Variants in ITPR2 observed in about 807,000 individuals in gnomAD.
The protein encoded by ITPR2 is inositol 1,4,5-trisphosphate receptor type 2, also known as inositol 1,4,5-trisphosphate-gated calcium channel ITPR2.
ITPR2 carries 207 observed loss-of-function variants against 317.1 expected under a neutral mutation model. The ratio of observed to expected loss-of-function variants is 0.65; its 90% CI spans 0.58 to 0.73. The LOEUF is 0.73. Among genes scored for constraint, ITPR2 ranks in the 30% least tolerant of loss-of-function variants. ITPR2 has a pLI of 0.00. For synonymous variants in ITPR2, 1,156 were observed against 1,149.1 expected, an observed-to-expected ratio of 1.01 and a Z score of -0.12; for missense variants, 2,613 against 3,284.0, an observed-to-expected ratio of 0.80 and a Z score of 4.99.
chr12:26,712,634 TACACACACACACACACAC>T (rs67872654), intron 8 of ITPR2, among the ~76,000 whole-genome samples: 37 of 148,754 alleles, frequency 2.5e-4, no homozygotes, highest in Non-Finnish European at 3.9e-4. Flanking sequence ...TTGTCTCAAA[TACACACACACACACACAC>T]ACACACACAC....
At chr12:26,589,813 TAAA>T (rs1945643502) in intron 32 of ITPR2, among the ~76,000 whole-genome samples, 1 of 36,394 alleles carries the variant, frequency 2.7e-5, no homozygotes, top group Non-Finnish European at 7.2e-5. Flanking sequence ...AAATAAAAAA[TAAA>T]TAAATAAATA....
At chr12:26,604,242 T>C (rs980193337) in intron 26 of ITPR2, among the ~76,000 whole-genome samples, 1 of 152,250 alleles carries the variant, frequency 6.6e-6, no homozygotes, top group African/African-American at 2.4e-5. Flanking sequence ...CTCAGCTTTA[T>C]ATTTTTCTTT....
chr12:26,505,180 T>C (rs906224775), intron 37 of ITPR2, among the ~76,000 whole-genome samples: 1 of 152,200 alleles, frequency 6.6e-6, no homozygotes, highest in African/African-American at 2.4e-5. Flanking sequence ...GAAAAGAAAA[T>C]GCTCAAGAAC....
chr12:26,678,316 A>G (rs775774484), intron 13 of ITPR2, among the ~76,000 whole-genome samples: 2 of 152,150 alleles, frequency 1.3e-5, no homozygotes, highest in Non-Finnish European at 2.9e-5. Context: ...AGAAAATTCC[A>G]TTGAAAAATA....
At chr12:26,631,485 T>C (rs1463930439) in intron 22 of ITPR2, among the ~76,000 whole-genome samples, 1 of 152,234 alleles carries the variant, frequency 6.6e-6, no homozygotes, top group African/African-American at 2.4e-5. Context: ...CATGTTCAAT[T>C]CAATTAAAAA....
intron 37 of ITPR2, among the ~76,000 whole-genome samples, chr12:26,535,515 A>G (rs898634478): frequency 6.6e-6 from 1 of 152,228 alleles, no homozygotes; most frequent in African/African-American, 2.4e-5. Context: ...TCACTGTCCA[A>G]TTCAAAATAA....
intron 1 of ITPR2, among the ~76,000 whole-genome samples, chr12:26,813,025 T>A (rs912317125): frequency 6.6e-6 from 1 of 152,250 alleles, no homozygotes; most frequent in Admixed American, 6.5e-5. Flanking sequence ...TTGAAGATAC[T>A]GACTTTTAAG....
At chr12:26,685,569 C>G (rs1301495166) in intron 11 of ITPR2, among the ~76,000 whole-genome samples, 3 of 152,036 alleles carry the variant, frequency 2.0e-5, no homozygotes, top group Admixed American at 2.0e-4. Context: ...TGCACTACAC[C>G]CTGGACAACA....
At chr12:26,647,414 T>C (rs1947137171) in intron 21 of ITPR2, among the ~76,000 whole-genome samples, 3 of 152,218 alleles carry the variant, frequency 2.0e-5, no homozygotes. Flanking sequence ...ACCCATGCTG[T>C]TGTAAAAGAA....
Position 26,790,379 on chromosome 12 carries a change from T to C in ITPR2, c.93-152A>G, listed in dbSNP as rs7965926. ...ACAATCATGGGTCTGTAAAAAGATT[T>C]GGTTGTAGAGATGTTAATTAAAGCC... On this transcript the variant is annotated intron_variant, in intron 1 of 56. Coordinates refer to ENST00000381340, the MANE Select transcript of ITPR2 (RefSeq NM_002223.4). 5,409 of 627,598 alleles carry C rather than the reference T, an allele frequency of 8.6e-3. 235 individuals carry two copies. In the African/African-American group the frequency reaches 0.092, roughly 11 times the overall value. The allele number at this position is 627,598 out of a possible 1,614,324, so 38.9% of individuals were successfully genotyped here.
rs1467069991 is a variant in ITPR2, at chr12:26,556,319, T to A, written c.4878A>T (p.Ser1626=). The change falls in exon 36 of 57, where the codon TCA becomes TCT. Residue 1626 remains serine, a synonymous_variant. Transcript: ENST00000381340. ...GACTGTACAATACATCAACCAACAC[T>A]GAGAATTCAGCCTGCATCATTGGGC... ...QFSPMMQAEF[S]VLVDVLYSPE... is the part of the protein sequence containing the mutation. 1 of 1,614,006 alleles carries A rather than the reference T, an allele frequency of 6.2e-7. No homozygotes were observed. Among genetic ancestry groups the A allele is most frequent in the Admixed American group, 1.7e-5 (1 of 60,004 alleles).
intron 34 of ITPR2, among the ~76,000 whole-genome samples, chr12:26,564,919 A>G (rs1189237867): frequency 1.3e-5 from 2 of 152,204 alleles, no homozygotes; most frequent in East Asian, 1.9e-4. Flanking sequence ...ACAAATGTCA[A>G]TAGTATGGAG....
intron 2 of ITPR2, among the ~76,000 whole-genome samples, chr12:26,784,987 G>C (rs553844052): frequency 3.6e-4 from 2 of 5,536 alleles, no homozygotes; most frequent in African/African-American, 8.1e-4. Flanking sequence ...CGCCTCTGCT[G>C]GGCCGCAACC....
chr12:26,510,647 G>A (rs1316407194), intron 37 of ITPR2, among the ~76,000 whole-genome samples: 1 of 152,188 alleles, frequency 6.6e-6, no homozygotes, highest in Non-Finnish European at 1.5e-5. Context: ...CATTACAGGA[G>A]GACCCGCAGG....
chr12:26,495,019 T>C, intron 38 of ITPR2, 133 bp downstream of exon 38: 2 of 655,776 alleles, frequency 3.0e-6, no homozygotes, highest in South Asian at 3.7e-5. Flanking sequence ...CCCCAAATTG[T>C]ATGAAAGTTT....
At chr12:26,788,951 T>C (rs1309383697) in intron 2 of ITPR2, among the ~76,000 whole-genome samples, 1 of 152,214 alleles carries the variant, frequency 6.6e-6, no homozygotes, top group Non-Finnish European at 1.5e-5. Flanking sequence ...CTGCATTGTC[T>C]CTGGCAGGTT....
rs1354118761 is a variant in ITPR2 at position 26,681,932 on chromosome 12, C to T, written c.1351G>A (p.Val451Ile). The T allele has an allele frequency of 6.2e-7, 1 of 1,613,626 alleles. No homozygotes were observed. Among genetic ancestry groups the T allele is most frequent in the Non-Finnish European group, 8.5e-7 (1 of 1,179,626 alleles). The change falls in exon 13 of 57, where the codon GTA (valine) becomes ATA (isoleucine). Residue 451 changes from valine to isoleucine, a missense_variant. Transcript: ENST00000381340. ...AGCTTTTTAACTGTGGTCGCTAGTA[C>T]TTTATTGGCATCATTGGCAAAGTCT... ...DLDFANDANKVLATTVKKLEN... is the reference protein window; with the variant it reads ...DLDFANDANKILATTVKKLEN...
intron 5 of ITPR2, chr12:26,721,298 T>G (rs1052100550): frequency 1.6e-6 from 1 of 616,994 alleles, no homozygotes; most frequent in Non-Finnish European, 3.0e-6. Flanking sequence ...AAGGAAGATA[T>G]CACCAGATAA....
At chr12:26,637,799 T>A (rs1946896234) in intron 21 of ITPR2, among the ~76,000 whole-genome samples, 1 of 152,164 alleles carries the variant, frequency 6.6e-6, no homozygotes, top group Non-Finnish European at 1.5e-5. Context: ...TAATACGGCA[T>A]GATCAAAACA....
Sources: gnomAD v4.1 joint callset for allele counts (sites outside exome capture counted in the v4.1 genomes callset) on GRCh38, gnomAD v4.1.1 for gene constraint, MANE v1.5 for transcripts, NCBI Gene and HGNC (gene_info 2026-07-23, HGNC 2026-07-21) for gene names.